FAAH2: variants seen among roughly 807,000 people sequenced by gnomAD.
The protein encoded by FAAH2 is fatty-acid amide hydrolase 2.
A neutral mutation model predicts 36.9 loss-of-function variants in FAAH2; 60 were observed. The observed-to-expected ratio is 1.63, with a 90% CI of 1.32 to 2.02. FAAH2 has a LOEUF of 2.02. FAAH2 is among the 30% of genes most tolerant of loss of function. The probability of loss-of-function intolerance (pLI) is 0.00; values close to 1 mark genes in which losing one functional copy is unlikely to be tolerated. For synonymous variants in FAAH2, 214 were observed against 143.8 expected, an observed-to-expected ratio of 1.49 and a Z score of -3.49; for missense variants, 689 against 397.5, an observed-to-expected ratio of 1.73 and a Z score of -6.23.
intron 10 of FAAH2, among the ~76,000 whole-genome samples, chrX:57,477,182 T>C (rs924533579): frequency 2.7e-5 from 3 of 111,135 alleles, no homozygotes; most frequent in Non-Finnish European, 5.7e-5. Flanking sequence ...TTGAAGGGTT[T>C]TTCATGTCTC....
At chrX:57,171,812 G>A in the FAAH2 span, among the ~76,000 whole-genome samples, 9 of 111,479 alleles carry the variant, frequency 8.1e-5, no homozygotes, top group Non-Finnish European at 1.7e-4. Flanking sequence ...TTGCTTTTGA[G>A]GTCTTAGTCA....
chrX:57,288,541 G>C (rs1443963222), intron 1 of FAAH2, among the ~76,000 whole-genome samples: 1 of 107,488 alleles, frequency 9.3e-6, no homozygotes, highest in African/African-American at 3.4e-5. Flanking sequence ...TAGTAGAGAC[G>C]GGTTTTCATC....
chrX:57,413,064 G>T (rs890026547), intron 7 of FAAH2, among the ~76,000 whole-genome samples: 6 of 111,851 alleles, frequency 5.4e-5, no homozygotes, highest in African/African-American at 1.9e-4. Context: ...CCCACTTTTT[G>T]GTGAGGTTTG....
the FAAH2 span, among the ~76,000 whole-genome samples, chrX:57,260,991 T>C: frequency 1.8e-5 from 2 of 111,918 alleles, no homozygotes; most frequent in Non-Finnish European, 3.8e-5. Context: ...TTAGTAGCTA[T>C]GTACAAAATT....
At chrX:57,427,388 T>G (rs756036382) in intron 7 of FAAH2, among the ~76,000 whole-genome samples, 1 of 111,405 alleles carries the variant, frequency 9.0e-6, no homozygotes, top group African/African-American at 3.3e-5. Context: ...TATTTCTATC[T>G]CATTCTATGA....
chrX:57,446,536 T>A (rs887518649), intron 8 of FAAH2, among the ~76,000 whole-genome samples: 11 of 112,039 alleles, frequency 9.8e-5, no homozygotes, highest in Non-Finnish European at 2.1e-4. Flanking sequence ...ATTTTCGTCA[T>A]TCCTAAAAGA....
intron 7 of FAAH2, among the ~76,000 whole-genome samples, chrX:57,396,556 ATTATT>A (rs747525305): frequency 9.0e-6 from 1 of 110,929 alleles, no homozygotes; most frequent in South Asian, 3.8e-4. Flanking sequence ...TTTCAAAAAT[ATTATT>A]TTATTTCTGC....
intron 5 of FAAH2, among the ~76,000 whole-genome samples, chrX:57,358,287 C>A (rs1331232064): frequency 4.5e-5 from 5 of 110,702 alleles, no homozygotes; most frequent in African/African-American, 1.6e-4. Flanking sequence ...TACTTTACAG[C>A]AGATCTCTAG....
intron 5 of FAAH2, among the ~76,000 whole-genome samples, chrX:57,354,992 A>C (rs2054123679): frequency 9.0e-6 from 1 of 110,794 alleles, no homozygotes; most frequent in Non-Finnish European, 1.9e-5. Flanking sequence ...ATTTGCGTTC[A>C]TTTTCTTCTT....
chrX:57,468,100 G>A (rs2057085546), intron 10 of FAAH2, among the ~76,000 whole-genome samples: 1 of 111,300 alleles, frequency 9.0e-6, no homozygotes, highest in Non-Finnish European at 1.9e-5. Context: ...CCATCTGTTG[G>A]TCACCATAAT....
chrX:57,390,032 A>G (rs10855185), intron 7 of FAAH2, among the ~76,000 whole-genome samples: 40,148 of 109,463 alleles, frequency 0.37, 6,412 homozygotes, highest in Middle Eastern at 0.61. Context: ...CAATTTTTCA[A>G]TTAAGTTATT....
At chrX:57,211,319 C>A in the FAAH2 span, among the ~76,000 whole-genome samples, 2 of 111,625 alleles carry the variant, frequency 1.8e-5, no homozygotes, top group Non-Finnish European at 3.8e-5. Flanking sequence ...TTTCTTCACT[C>A]GTCTCTGGAA....
intron 7 of FAAH2, among the ~76,000 whole-genome samples, chrX:57,385,337 G>A (rs1453787462): frequency 9.1e-6 from 1 of 109,549 alleles, no homozygotes; most frequent in Non-Finnish European, 1.9e-5. Flanking sequence ...GTAAAAGATG[G>A]CTTTTATATT....
intron 5 of FAAH2, among the ~76,000 whole-genome samples, chrX:57,374,558 C>T (rs767830488): frequency 1.8e-5 from 2 of 111,865 alleles, no homozygotes; most frequent in African/African-American, 6.5e-5. Flanking sequence ...ACATTAATTT[C>T]GTATCCTGAA....
At chrX:57,319,185 A>G (rs949177128) in intron 3 of FAAH2, among the ~76,000 whole-genome samples, 2 of 111,809 alleles carry the variant, frequency 1.8e-5, no homozygotes, top group African/African-American at 6.5e-5. Context: ...ATCAGGCAAG[A>G]GAAAGAAATA....
chrX:57,335,633 C>T (rs935211610), intron 4 of FAAH2, among the ~76,000 whole-genome samples: 17 of 112,091 alleles, frequency 1.5e-4, no homozygotes, highest in African/African-American at 5.5e-4. Flanking sequence ...GAGACAGATG[C>T]CTTCCTCTTA....
intron 7 of FAAH2, among the ~76,000 whole-genome samples, chrX:57,411,296 C>T (rs928493432): frequency 2.7e-5 from 3 of 111,823 alleles, no homozygotes; most frequent in Non-Finnish European, 5.6e-5. Flanking sequence ...AGTTTATATG[C>T]CCTCTCTCAA....
chrX:57,462,825 A>G (rs1198068948), intron 10 of FAAH2, among the ~76,000 whole-genome samples: 1 of 112,297 alleles, frequency 8.9e-6, no homozygotes, highest in African/African-American at 3.2e-5. Flanking sequence ...CTGGCAGGAG[A>G]AAGAAATAAA....
chrX:57,228,226 C>A, the FAAH2 span, among the ~76,000 whole-genome samples: 4 of 111,670 alleles, frequency 3.6e-5, no homozygotes, highest in Admixed American at 9.5e-5. Flanking sequence ...TGGAGTTTTA[C>A]CCCCTGCTCC....
Sources: allele counts gnomAD v4.1 joint callset (sites outside exome capture counted in the v4.1 genomes callset), GRCh38; gene constraint gnomAD v4.1.1; transcripts MANE v1.5; gene names NCBI Gene and HGNC (gene_info 2026-07-23, HGNC 2026-07-21).